Variants in THSD4 observed in about 807,000 individuals in gnomAD.
THSD4 encodes thrombospondin type-1 domain-containing protein 4.
THSD4 carries 69 observed loss-of-function variants against 119.0 expected under a neutral mutation model. That is an observed-to-expected ratio of 0.58 (90% CI 0.48 to 0.71). THSD4 has a LOEUF of 0.71. Ranked by LOEUF, THSD4 falls within the 30% of genes least tolerant of loss-of-function variation. The pLI is 0.00. For synonymous variants in THSD4, 524 were observed against 540.4 expected, an observed-to-expected ratio of 0.97 and a Z score of 0.42; for missense variants, 1,393 against 1,391.1, an observed-to-expected ratio of 1.00 and a Z score of -0.02.
chr15:71,763,898 CTACAAAAAAA>C (rs2053668838), intron 15 of THSD4, among the ~76,000 whole-genome samples: 1 of 152,022 alleles, frequency 6.6e-6, no homozygotes, highest in African/African-American at 2.4e-5. Flanking sequence ...AACCCCATCT[CTACAAAAAAA>C]TACAAAAATT....
intron 16 of THSD4, among the ~76,000 whole-genome samples, chr15:71,769,928 TAAAA>T (rs1181348692): frequency 2.3e-5 from 1 of 44,300 alleles, no homozygotes; most frequent in African/African-American, 1.4e-4. Flanking sequence ...AAAATAAATT[TAAAA>T]AAAAAAAAAA....
intron 7 of THSD4, among the ~76,000 whole-genome samples, chr15:71,527,862 A>G (rs374774442): frequency 4.0e-5 from 6 of 151,234 alleles, no homozygotes; most frequent in African/African-American, 1.5e-4. Flanking sequence ...AAAGGTGCAC[A>G]CCACCACACT....
chr15:71,754,004 A>G (rs1409192958), intron 14 of THSD4, among the ~76,000 whole-genome samples: 1 of 151,842 alleles, frequency 6.6e-6, no homozygotes. Context: ...AGCTAGTCAG[A>G]TGGAAATTAC....
At chr15:71,111,462 C>A, upstream of THSD4, 2 of 1,492,600 alleles carry the variant, frequency 1.3e-6, no homozygotes, top group Non-Finnish European at 1.8e-6. Flanking sequence ...GTTAAGGAGG[C>A]AAGCAGGGGA....
At chr15:71,515,846 G>T (rs2048354453) in intron 7 of THSD4, among the ~76,000 whole-genome samples, 1 of 152,166 alleles carries the variant, frequency 6.6e-6, no homozygotes, top group African/African-American at 2.4e-5. Flanking sequence ...GTTAATTTGT[G>T]CCTTGGCTAT....
chr15:71,111,232 C>T (rs755147451), upstream of THSD4: 1 of 1,613,878 alleles, frequency 6.2e-7, no homozygotes, highest in Non-Finnish European at 8.5e-7. Context: ...AGGAGATAAC[C>T]TGAAGTGTGG....
chr15:71,307,042 T>C (rs757536098), intron 6 of THSD4, among the ~76,000 whole-genome samples: 25 of 152,206 alleles, frequency 1.6e-4, no homozygotes, highest in Non-Finnish European at 3.1e-4. Flanking sequence ...CCTCAAGCCA[T>C]ACTCTTGGGG....
chr15:71,455,129 C>T (rs1000435120), intron 7 of THSD4, among the ~76,000 whole-genome samples: 1 of 152,138 alleles, frequency 6.6e-6, no homozygotes, highest in African/African-American at 2.4e-5. Flanking sequence ...TCTTTTGTGG[C>T]TGTGTGTATT....
At chr15:71,619,379 G>A (rs915044376) in intron 7 of THSD4, among the ~76,000 whole-genome samples, 3 of 152,184 alleles carry the variant, frequency 2.0e-5, no homozygotes, top group African/African-American at 7.2e-5. Context: ...CAAACACCCA[G>A]AAAGGTTTCT....
intron 15 of THSD4, 103 bp downstream of exon 15, chr15:71,758,178 C>A: frequency 1.5e-6 from 2 of 1,323,894 alleles, no homozygotes; most frequent in Non-Finnish European, 2.0e-6. Context: ...AGCTTTGAAT[C>A]CCAGCAGTGC....
At chr15:71,564,819 TATA>T (rs201635771) in intron 7 of THSD4, among the ~76,000 whole-genome samples, 1 of 10,400 alleles carries the variant, frequency 9.6e-5, no homozygotes, top group East Asian at 5.7e-4. Flanking sequence ...TATTATAACA[TATA>T]ATACTATATA....
chr15:71,234,372 C>G (rs560804059), intron 4 of THSD4, among the ~76,000 whole-genome samples: 1 of 152,338 alleles, frequency 6.6e-6, no homozygotes, highest in South Asian at 2.1e-4. Flanking sequence ...ATGGCACGAT[C>G]TTGGCTCACT....
At chr15:71,159,473 A>C (rs1172106912) in intron 3 of THSD4, among the ~76,000 whole-genome samples, 1 of 151,972 alleles carries the variant, frequency 6.6e-6, no homozygotes, top group East Asian at 1.9e-4. Flanking sequence ...TATTGTTTTT[A>C]AAGTTTTCAT....
At chr15:71,232,782 T>C (rs2044071773) in intron 4 of THSD4, among the ~76,000 whole-genome samples, 1 of 152,142 alleles carries the variant, frequency 6.6e-6, no homozygotes, top group Non-Finnish European at 1.5e-5. Context: ...CCTAAAACTG[T>C]CTTGGTTTGA....
chr15:71,505,399 A>G (rs2048172025), intron 7 of THSD4, among the ~76,000 whole-genome samples: 1 of 152,228 alleles, frequency 6.6e-6, no homozygotes, highest in African/African-American at 2.4e-5. Flanking sequence ...TACTTTAAAA[A>G]GACTTTTGTA....
At chr15:71,757,701 C>G (rs1390701967) in intron 14 of THSD4, among the ~76,000 whole-genome samples, 2 of 151,996 alleles carry the variant, frequency 1.3e-5, no homozygotes, top group Non-Finnish European at 2.9e-5. Context: ...GGAATGAAGC[C>G]CAACCCAGAA....
intron 16 of THSD4, among the ~76,000 whole-genome samples, chr15:71,766,298 A>G (rs977943024): frequency 6.6e-6 from 1 of 152,070 alleles, no homozygotes; most frequent in Non-Finnish European, 1.5e-5. Context: ...GCCCCATCCC[A>G]GGTGACCATT....
chr15:71,696,872 A>G (rs1191538352), intron 8 of THSD4, among the ~76,000 whole-genome samples: 2 of 152,192 alleles, frequency 1.3e-5, no homozygotes, highest in Non-Finnish European at 2.9e-5. Context: ...ATAGAGGCCT[A>G]TAGGTGATCT....
chr15:71,191,676 ACTCTT>A (rs955036256), intron 3 of THSD4, among the ~76,000 whole-genome samples: 1 of 151,604 alleles, frequency 6.6e-6, no homozygotes, highest in African/African-American at 2.4e-5. Context: ...CTGAGCTCTC[ACTCTT>A]CAGTGCTGTA....
Sources: allele counts gnomAD v4.1 joint callset (sites outside exome capture counted in the v4.1 genomes callset), GRCh38; gene constraint gnomAD v4.1.1; transcripts MANE v1.5; gene names NCBI Gene and HGNC (gene_info 2026-07-23, HGNC 2026-07-21).